The following SLC6A11 variants were observed in gnomAD, a reference collection of about 807,000 sequenced individuals.
SLC6A11 encodes the protein solute carrier family 6 member 11.
SLC6A11 carries 25 observed loss-of-function variants against 74.8 expected under a neutral mutation model. The observed-to-expected ratio is 0.33, with a 90% confidence interval of 0.24 to 0.47. The LOEUF (loss-of-function observed/expected upper bound fraction) is 0.47, where lower values mean the gene tolerates loss of function less well. Ranked by LOEUF, SLC6A11 falls within the 20% of genes least tolerant of loss-of-function variation. The pLI is 1.00. For synonymous variants in SLC6A11, 330 were observed against 330.2 expected (o/e 1.00, Z 0.01); for missense variants, 574 against 837.0 (o/e 0.69, Z 3.88).
intron 6 of SLC6A11, among the ~76,000 whole-genome samples, chr3:10,907,069 A>G (rs1256464529): frequency 1.3e-5 from 2 of 152,216 alleles, no homozygotes; most frequent in Non-Finnish European, 2.9e-5. Flanking sequence ...GCATTGCACA[A>G]AGACAGAACC....
At chr3:10,892,053 G>A (rs1179317102) in intron 6 of SLC6A11, among the ~76,000 whole-genome samples, 1 of 152,258 alleles carries the variant, frequency 6.6e-6, no homozygotes, top group Non-Finnish European at 1.5e-5. Flanking sequence ...TGCAGATGCA[G>A]TGTGTTCTGA....
At chr3:10,880,076 C>T (rs752538825) in intron 6 of SLC6A11, among the ~76,000 whole-genome samples, 13 of 152,118 alleles carry the variant, frequency 8.5e-5, no homozygotes, top group East Asian at 1.9e-4. Context: ...AGTGCTGTGG[C>T]GGTAGAGAAA....
chr3:10,825,871 G>T lies in SLC6A11; in HGVS notation c.623+2479G>T, dbSNP rs1694202940. On this transcript the variant is annotated intron_variant, in intron 4 of 13. Transcript: ENST00000254488. ...AGTCTGTGTTTGGGCTCTCTGTTCT[G>T]TTCCACTGGTCTCTTTGTCTATCTC... is the stretch of plus-strand genomic sequence containing the variant. Among the ~76,000 whole-genome samples, 4 of 152,208 alleles carry T rather than the reference G, an allele frequency of 2.6e-5. 1 individual carries two copies. The highest frequency in any genetic ancestry group is 5.9e-5 in the Non-Finnish European group (4 of 68,016).
intron 4 of SLC6A11, among the ~76,000 whole-genome samples, chr3:10,834,413 A>G (rs530401603): frequency 1.3e-4 from 20 of 151,678 alleles, no homozygotes; most frequent in African/African-American, 4.8e-4. Flanking sequence ...GGATGAAGGA[A>G]GAAACTCATG....
chr3:10,857,261 C>G (rs1042193874), intron 5 of SLC6A11, among the ~76,000 whole-genome samples: 1 of 152,094 alleles, frequency 6.6e-6, no homozygotes, highest in South Asian at 2.1e-4. Context: ...AGAACTGGAC[C>G]TCACATTGGA....
intron 4 of SLC6A11, among the ~76,000 whole-genome samples, chr3:10,839,955 C>T (rs1694416321): frequency 1.3e-5 from 2 of 152,164 alleles, no homozygotes; most frequent in Admixed American, 1.3e-4. Context: ...GCTCTCCAGT[C>T]ACCCATTCCT....
intron 2 of SLC6A11, 45 bp from the exon 3 acceptor site, chr3:10,819,667 T>C: frequency 6.2e-7 from 1 of 1,611,134 alleles, no homozygotes; most frequent in South Asian, 1.1e-5. Context: ...GCAGATTGTT[T>C]TGAAAAGATA....
Position 10,938,790 on chromosome 3 carries a change from G to A in SLC6A11, c.*388G>A, listed in dbSNP as rs1695789404. The A allele has an allele frequency of 6.4e-6, 1 of 156,468 alleles. No individual in the cohort carries two copies. The highest frequency in any genetic ancestry group is 2.4e-5 in the African/African-American group (1 of 41,624). 9.7% of individuals were successfully genotyped at this position (156,468 alleles called of 1,614,324 possible). On this transcript the variant is annotated 3_prime_UTR_variant, in exon 14 of 14. Coordinates refer to ENST00000254488, the MANE Select transcript of SLC6A11 (RefSeq NM_014229.3). ...GTCGGCCTTTTAATGACCGTTCTGT[G>A]TCCCATGTATGTCTCTGACCATCCA...
chr3:10,923,898 A>G (rs1695567979), intron 8 of SLC6A11, among the ~76,000 whole-genome samples: 1 of 152,170 alleles, frequency 6.6e-6, no homozygotes, highest in Non-Finnish European at 1.5e-5. Context: ...AGGATATAAC[A>G]TCACTGCTGT....
Position 10,816,605 on chromosome 3 carries a change from C to T in SLC6A11, c.256+84C>T. 7.4e-7 allele frequency: 1 copy of T among 1,351,266 alleles called. No individual in the cohort carries two copies. The highest frequency in any genetic ancestry group is 9.8e-7 in the Non-Finnish European group (1 of 1,017,440). The allele number at this position is 1,351,266 out of a possible 1,614,324, so 83.7% of individuals were successfully genotyped here. On this transcript the variant is annotated intron_variant, in intron 1 of 13. Coordinates refer to ENST00000254488, the MANE Select transcript of SLC6A11 (RefSeq NM_014229.3). This position sits in a 1 kb window ranked among gnomAD's most constrained non-coding sequence, Gnocchi z 4.2. The stretch of plus-strand genomic sequence containing the variant: ...CCAGGGGCGAGCGCGAGACCCCCTC[C>T]CGCGCCTGCGTGGAGCGGAACCCGA...
intron 6 of SLC6A11, among the ~76,000 whole-genome samples, chr3:10,892,502 C>G (rs1212037122): frequency 6.6e-6 from 1 of 152,070 alleles, no homozygotes; most frequent in African/African-American, 2.4e-5. Context: ...TGAACTGTCA[C>G]TGTACCTCCT....
intron 5 of SLC6A11, among the ~76,000 whole-genome samples, chr3:10,873,991 C>CGCTACGCTATGCTAT (rs1553671319): frequency 2.3e-4 from 31 of 136,472 alleles, no homozygotes; most frequent in South Asian, 2.1e-3. Context: ...CGCTACGCTA[C>CGCTACGCTATGCTAT]GCTATGCTAT....
chr3:10,832,581 G>A (rs762967087), intron 4 of SLC6A11, among the ~76,000 whole-genome samples: 3 of 152,222 alleles, frequency 2.0e-5, no homozygotes, highest in Non-Finnish European at 2.9e-5. Context: ...ATGTTTGTAT[G>A]TCAGATTAAA....
chr3:10,903,252 G>C (rs1333976179), intron 6 of SLC6A11, among the ~76,000 whole-genome samples: 2 of 152,170 alleles, frequency 1.3e-5, no homozygotes. Flanking sequence ...TCTGATTGGA[G>C]GCTCTCTTTG....
intron 8 of SLC6A11, among the ~76,000 whole-genome samples, chr3:10,923,234 AAC>A (rs1695559061): frequency 6.7e-6 from 1 of 148,378 alleles, no homozygotes. Context: ...TTGGTTTCTA[AAC>A]ACTATTCTTC....
At chr3:10,917,232 T>C (rs949143199) in intron 7 of SLC6A11, among the ~76,000 whole-genome samples, 1 of 152,126 alleles carries the variant, frequency 6.6e-6, no homozygotes, top group African/African-American at 2.4e-5. Context: ...TAAAGCTAAC[T>C]TTATCAGAGA....
intron 6 of SLC6A11, among the ~76,000 whole-genome samples, chr3:10,882,439 A>G (rs1007807906): frequency 6.6e-6 from 1 of 152,042 alleles, no homozygotes; most frequent in Non-Finnish European, 1.5e-5. Context: ...ACTCATCACC[A>G]TCGCAGATGC....
chr3:10,816,833 G>A lies in SLC6A11; in HGVS notation c.256+312G>A, dbSNP rs552338168. ...CTTTGGGTAGGCGCCCTGGTGTTTC[G>A]GGCACTTGGCCCCTTGGAGCCTCAG... On this transcript the variant is annotated intron_variant, in intron 1 of 13. Coordinates refer to ENST00000254488, the MANE Select transcript of SLC6A11 (RefSeq NM_014229.3). This position sits in a 1 kb window ranked among gnomAD's most constrained non-coding sequence, Gnocchi z 4.2. Among the ~76,000 whole-genome samples the A allele has an allele frequency of 8.5e-5, 13 of 152,340 alleles. No individual in the cohort carries two copies. The highest frequency in any genetic ancestry group is 6.5e-4 in the Admixed American group (10 of 15,312).
chr3:10,858,454 G>T (rs1373414093), intron 5 of SLC6A11, among the ~76,000 whole-genome samples: 1 of 152,130 alleles, frequency 6.6e-6, no homozygotes, highest in Non-Finnish European at 1.5e-5. Flanking sequence ...AGGATTCCCA[G>T]CATCTCTAGT....
Sources: allele counts gnomAD v4.1 joint callset (sites outside exome capture counted in the v4.1 genomes callset), GRCh38; gene constraint gnomAD v4.1.1; non-coding constraint Gnocchi (gnomAD v3.1); transcripts MANE v1.5; gene names NCBI Gene and HGNC (gene_info 2026-07-23, HGNC 2026-07-21).